NINL: variants seen among roughly 807,000 people sequenced by gnomAD.
NINL encodes the protein ninein-like protein.
NINL carries 153 observed loss-of-function variants against 160.3 expected under a neutral mutation model. The observed-to-expected ratio is 0.95, with a 90% CI of 0.84 to 1.09. The LOEUF (loss-of-function observed/expected upper bound fraction) is 1.09, where lower values mean the gene tolerates loss of function less well. Ranked by LOEUF, NINL falls within the 50% of genes least tolerant of loss-of-function variation. NINL has a pLI of 0.00. For missense variants in NINL, 1,829 were observed against 1,764.0 expected, an observed-to-expected ratio of 1.04 and a Z score of -0.66; for synonymous variants, 800 against 734.8, an observed-to-expected ratio of 1.09 and a Z score of -1.43.
intron 20 of NINL, among the ~76,000 whole-genome samples, 185 bp from the exon 21 acceptor site, chr20:25,461,820 G>A (rs758836029): frequency 9.2e-5 from 14 of 152,136 alleles, no homozygotes; most frequent in Non-Finnish European, 1.8e-4. Flanking sequence ...CTACACACAC[G>A]CATCTCCCTG....
Position 25,510,750 on chromosome 20 carries a change from G to C in NINL, c.451-10C>G, listed in dbSNP as rs779522152. The C allele has an allele frequency of 2.1e-5, 34 of 1,608,754 alleles. No homozygotes were observed. The highest frequency in any genetic ancestry group is 3.3e-5 in the South Asian group (3 of 90,746). On this transcript the variant is annotated splice_polypyrimidine_tract_variant and intron_variant, in intron 4 of 23. Coordinates refer to ENST00000278886, the MANE Select transcript of NINL (RefSeq NM_025176.6). Reference sequence around the variant, plus strand: ...CATCTGACTTGGGACTCTGTAGAAAGATGCAGAGAGAAGGCTGTGAGTTCC... The same window carrying C: ...CATCTGACTTGGGACTCTGTAGAAACATGCAGAGAGAAGGCTGTGAGTTCC...
At chr20:25,535,449 G>A (rs887009079) in intron 1 of NINL, among the ~76,000 whole-genome samples, 1 of 152,206 alleles carries the variant, frequency 6.6e-6, no homozygotes, top group Non-Finnish European at 1.5e-5. Flanking sequence ...GGACAGATAT[G>A]TTAATTAGCT....
intron 14 of NINL, among the ~76,000 whole-genome samples, 167 bp from the exon 15 acceptor site, chr20:25,480,434 T>G (rs2063363531): frequency 6.6e-6 from 1 of 152,114 alleles, no homozygotes; most frequent in South Asian, 2.1e-4. Flanking sequence ...TACATAGCAT[T>G]CCGTTATTTA....
At chr20:25,561,055 T>TTTCCCCGGTCTCCCTCTCCCTCTCC (rs771171636) in intron 1 of NINL, among the ~76,000 whole-genome samples, 3 of 61,312 alleles carry the variant, frequency 4.9e-5, no homozygotes, top group African/African-American at 1.5e-4. Context: ...TCTCCCTCTC[T>TTTCCCCGGTCTCCCTCTCCCTCTCC]CTCTCTTTCC....
intron 7 of NINL, among the ~76,000 whole-genome samples, chr20:25,502,242 A>G (rs973275138): frequency 6.6e-6 from 1 of 152,132 alleles, no homozygotes; most frequent in African/African-American, 2.4e-5. Context: ...TTGGCCTCCC[A>G]AAGTGCTGGT....
rs915208813 is a variant in NINL at position 25,514,955 on chromosome 20, C to T, written c.278-1949G>A. ...TCCAGGCAGAAGTCTGCTGCAGGGACGGAGCCCTCATGGAGAACCTCTATT... is the reference window on the plus strand; with the variant it reads ...TCCAGGCAGAAGTCTGCTGCAGGGATGGAGCCCTCATGGAGAACCTCTATT... On this transcript the variant is annotated intron_variant, in intron 3 of 23. Transcript: ENST00000278886. Among the ~76,000 whole-genome samples, 10 of 152,204 alleles carry T rather than the reference C, an allele frequency of 6.6e-5. 1 individual carries two copies. In the South Asian group the frequency reaches 1.4e-3, roughly 22 times the overall value.
Position 25,462,394 on chromosome 20 carries a change from C to T in NINL, c.3571G>A (p.Gly1191Arg). Reference sequence around the variant, plus strand: ...CTGAGGCCACCCACCTGCTGCTGCCCACTGCGAACCACCTCCTCCAGGCTC... The same window carrying T: ...CTGAGGCCACCCACCTGCTGCTGCCTACTGCGAACCACCTCCTCCAGGCTC... ...TQSLEEVVRSGQQQSDQIQKL... is the reference protein window; with the variant it reads ...TQSLEEVVRSRQQQSDQIQKL... The change falls in exon 20 of 24, where the codon GGG becomes AGG. Residue 1191 changes from glycine (G) to arginine (R), a missense_variant. By Grantham distance (125) the Gly-to-Arg change is moderately radical. Transcript: ENST00000278886. 1 of 1,613,332 alleles carries T rather than the reference C, an allele frequency of 6.2e-7. No individual in the cohort carries two copies. Among genetic ancestry groups the T allele is most frequent in the South Asian group, 1.1e-5 (1 of 90,898 alleles).
chr20:25,546,026 G>C (rs926650731), intron 1 of NINL, among the ~76,000 whole-genome samples: 1 of 150,630 alleles, frequency 6.6e-6, no homozygotes, highest in Admixed American at 6.6e-5. Context: ...CTGTTGCCCA[G>C]GATGGAGTGC....
At chr20:25,580,469 CTAACAAA>C (rs1379497750) in intron 1 of NINL, among the ~76,000 whole-genome samples, 4 of 152,084 alleles carry the variant, frequency 2.6e-5, no homozygotes, top group African/African-American at 9.7e-5. Flanking sequence ...GTTTCAGAAA[CTAACAAA>C]TGACTTCGAC....
chr20:25,491,534 T>A lies in NINL; in HGVS notation c.1311-9A>T. 1 of 1,612,324 alleles carries A rather than the reference T, an allele frequency of 6.2e-7. No individual in the cohort carries two copies. The highest frequency in any genetic ancestry group is 8.5e-7 in the Non-Finnish European group (1 of 1,178,850). Reference sequence around the variant, plus strand: ...ACCCCTGCTCCAGATGCCTGTAACATGTCACACATCACACGTCAGACATGT... The same window carrying A: ...ACCCCTGCTCCAGATGCCTGTAACAAGTCACACATCACACGTCAGACATGT... On this transcript the variant is annotated splice_polypyrimidine_tract_variant and intron_variant, in intron 10 of 23. Coordinates refer to ENST00000278886, the MANE Select transcript of NINL (RefSeq NM_025176.6).
chr20:25,458,762 C>T (rs1476395035), intron 21 of NINL: 10 of 508,466 alleles, frequency 2.0e-5, no homozygotes, highest in Non-Finnish European at 3.4e-5. Context: ...ATGTCCATCA[C>T]CCTCAAAATG....
intron 1 of NINL, among the ~76,000 whole-genome samples, chr20:25,539,799 C>G (rs945318546): frequency 6.6e-6 from 1 of 152,230 alleles, no homozygotes; most frequent in Non-Finnish European, 1.5e-5. Context: ...CCCAAAGCCT[C>G]TGTGTGAGGG....
chr20:25,482,011 G>A lies in NINL; in HGVS notation c.1767C>T (p.Ser589=), dbSNP rs752315536. 2.5e-6 allele frequency: 4 copies of A among 1,598,464 alleles called. No individual in the cohort carries two copies. The Admixed American group carries it at 6.7e-5, about 27-fold the overall frequency. The change falls in exon 14 of 24, where the codon AGC becomes AGT. Residue 589 remains serine, a synonymous_variant. Transcript: ENST00000278886. ...LPKNRHSPSW[S]PDGRRRQLPG... is the part of the protein sequence containing the mutation. ...GGAGCTGCCGTCTGCGCCCATCCGG[G>A]CTCCATGAGGGGCTGTGCCGGTTCT...
chr20:25,535,595 G>A lies in NINL; in HGVS notation c.-11-8997C>T, dbSNP rs988118809. ...CTAGAGATCTGTTACAAAACTAAGC[G>A]AATCTAGTTAACATTACAGAACTGT... is the stretch of plus-strand genomic sequence containing the variant. On this transcript the variant is annotated intron_variant, in intron 1 of 23. Coordinates refer to ENST00000278886, the MANE Select transcript of NINL (RefSeq NM_025176.6). Among the ~76,000 whole-genome samples the A allele has an allele frequency of 5.9e-5, 9 of 152,152 alleles. 1 individual carries two copies. The Middle Eastern group carries it at 0.01, about 173-fold the overall frequency.
rs368063921 is a variant in NINL, at chr20:25,495,974, T to A, written c.1310+689A>T. Among the ~76,000 whole-genome samples the A allele has an allele frequency of 5.3e-4, 81 of 152,180 alleles. 2 individuals carry two copies. The South Asian group carries it at 0.016, about 31-fold the overall frequency. On this transcript the variant is annotated intron_variant, in intron 10 of 23. Transcript: ENST00000278886. ...TCCTGGCCAAAATGGTGACACCCCA[T>A]CTCTACTAAAAATACAAAAATTAGC...
intron 1 of NINL, among the ~76,000 whole-genome samples, chr20:25,552,979 T>C (rs1440427669): frequency 2.0e-5 from 3 of 152,262 alleles, no homozygotes; most frequent in Middle Eastern, 3.4e-3. Flanking sequence ...GAGGCACTCA[T>C]GGAGTGGGGG....
chr20:25,572,572 A>T (rs1229936493), intron 1 of NINL, among the ~76,000 whole-genome samples: 1 of 152,208 alleles, frequency 6.6e-6, no homozygotes, highest in Non-Finnish European at 1.5e-5. Context: ...GAAGAGGCTA[A>T]GCAATTTGCC....
At chr20:25,581,706 C>A (rs1045164773) in intron 1 of NINL, among the ~76,000 whole-genome samples, 4 of 152,136 alleles carry the variant, frequency 2.6e-5, no homozygotes, top group Non-Finnish European at 5.9e-5. Context: ...AATAGCAAGC[C>A]TTCTCCAAGG....
intron 8 of NINL, among the ~76,000 whole-genome samples, chr20:25,498,668 T>TGGAG (rs2146765250): frequency 6.6e-6 from 1 of 152,266 alleles, no homozygotes; most frequent in Non-Finnish European, 1.5e-5. Flanking sequence ...GGGACTGCTG[T>TGGAG]GGAGGCCAGG....
Sources: allele counts gnomAD v4.1 joint callset (sites outside exome capture counted in the v4.1 genomes callset), GRCh38; gene constraint gnomAD v4.1.1; transcripts MANE v1.5; gene names NCBI Gene and HGNC (gene_info 2026-07-23, HGNC 2026-07-21).